HS6ST2: variants seen among roughly 807,000 people sequenced by gnomAD.
HS6ST2 encodes heparan sulfate 6-O-sulfotransferase 2, also known as heparan-sulfate 6-O-sulfotransferase 2.
A neutral mutation model predicts 33.0 loss-of-function variants in HS6ST2; 17 were observed. That is an observed-to-expected ratio of 0.52 (90% CI 0.35 to 0.77). The LOEUF (loss-of-function observed/expected upper bound fraction) is 0.77, where lower values mean the gene tolerates loss of function less well. Ranked by LOEUF, HS6ST2 falls within the 30% of genes least tolerant of loss-of-function variation. HS6ST2 has a pLI of 0.01. For missense variants in HS6ST2, 519 were observed against 551.7 expected (o/e 0.94, Z 0.59); for synonymous variants, 248 against 237.1 (o/e 1.05, Z -0.42).
chrX:132,692,015 GT>G lies in HS6ST2; in HGVS notation c.980+16446del, dbSNP rs1180903772. Among the ~76,000 whole-genome samples the G allele has an allele frequency of 9.6e-4, 108 of 112,102 alleles. 1 individual carries two copies. Among genetic ancestry groups the G allele is most frequent in the African/African-American group, 3.3e-3 (103 of 30,872 alleles). ...CAACAGGAAAAGTATCTGTTTTCAAGTTTGTTGCTTGGAGTCCGGGAGACAG... is the reference window on the plus strand; with the variant it reads ...CAACAGGAAAAGTATCTGTTTTCAAGTTGTTGCTTGGAGTCCGGGAGACAG... On this transcript the variant is annotated intron_variant, in intron 3 of 4. Transcript: ENST00000370833.
chrX:132,667,513 A>G (rs753484767), intron 4 of HS6ST2: 1 of 112,069 alleles, frequency 8.9e-6, no homozygotes, highest in East Asian at 2.8e-4. Flanking sequence ...TTAGGTATGC[A>G]TTCTCTATGT....
At chrX:132,670,098 A>AT (rs746354261) in intron 3 of HS6ST2, among the ~76,000 whole-genome samples, 10,417 of 104,567 alleles carry the variant, frequency 0.1, 951 homozygotes, top group African/African-American at 0.29. Context: ...CATCAGGAAG[A>AT]TTTTTTTTTT....
At chrX:132,891,089 T>G (rs2066305160) in intron 2 of HS6ST2, among the ~76,000 whole-genome samples, 1 of 91,102 alleles carries the variant, frequency 1.1e-5, no homozygotes, top group African/African-American at 4.1e-5. Context: ...GGTTTGCAAG[T>G]CCAAGGAGAA....
At chrX:132,854,293 A>G (rs2065831758) in intron 2 of HS6ST2, among the ~76,000 whole-genome samples, 1 of 112,514 alleles carries the variant, frequency 8.9e-6, no homozygotes, top group Admixed American at 9.4e-5. Flanking sequence ...CATCTGTCTT[A>G]AAGAATTCAG....
At chrX:132,701,708 G>A (rs1213617918) in intron 3 of HS6ST2, among the ~76,000 whole-genome samples, 21 of 111,783 alleles carry the variant, frequency 1.9e-4, no homozygotes, top group Non-Finnish European at 3.2e-4. Context: ...CCTACCTGGG[G>A]CTTTAACTAG....
At chrX:132,829,177 C>CAT (rs71855456) in intron 2 of HS6ST2, among the ~76,000 whole-genome samples, 4,694 of 63,563 alleles carry the variant, frequency 0.074, 257 homozygotes, top group Non-Finnish European at 0.1. Flanking sequence ...AGGTAAGGAA[C>CAT]ATATATATAT....
intron 3 of HS6ST2, among the ~76,000 whole-genome samples, chrX:132,699,119 T>C (rs2064123938): frequency 9.0e-6 from 1 of 111,325 alleles, no homozygotes; most frequent in Admixed American, 9.6e-5. Flanking sequence ...TGAAAATTAG[T>C]GAACAAAAGT....
At chrX:132,633,202 C>T (rs2063531183) in intron 4 of HS6ST2, among the ~76,000 whole-genome samples, 1 of 109,863 alleles carries the variant, frequency 9.1e-6, no homozygotes, top group Non-Finnish European at 1.9e-5. Flanking sequence ...CATCAAAAAA[C>T]CTCCCGGGGA....
chrX:132,673,324 T>C (rs1380523024), intron 3 of HS6ST2, among the ~76,000 whole-genome samples: 1 of 112,474 alleles, frequency 8.9e-6, no homozygotes. Flanking sequence ...TGATTGAGTA[T>C]TAATGTCTTG....
chrX:132,708,287 G>T, intron 3 of HS6ST2, among the ~76,000 whole-genome samples, 175 bp downstream of exon 3: 1 of 66,309 alleles, frequency 1.5e-5, no homozygotes, highest in Admixed American at 2.6e-4. Context: ...GGTAGTTTCA[G>T]CTGTTTTAAA....
At chrX:132,961,242 G>A (rs1309048993), upstream of HS6ST2, 1 of 110,881 alleles carries the variant, frequency 9.0e-6, no homozygotes, top group Non-Finnish European at 1.9e-5. Context: ...TTGGGATTCA[G>A]TACCTGGAAG....
intron 2 of HS6ST2, among the ~76,000 whole-genome samples, chrX:132,780,880 C>A (rs1417002091): frequency 1.8e-5 from 2 of 111,813 alleles, no homozygotes; most frequent in Non-Finnish European, 3.8e-5. Flanking sequence ...GAGCCTTGAG[C>A]CTGTCTTAGG....
chrX:132,770,428 G>A (rs951727587), intron 2 of HS6ST2, among the ~76,000 whole-genome samples: 1 of 111,845 alleles, frequency 8.9e-6, no homozygotes, highest in Admixed American at 9.5e-5. Context: ...ACACATAACA[G>A]AGAATTAATA....
rs1334132711 is a variant in HS6ST2, at chrX:132,950,880, T to C, written c.947+5928A>G. Among the ~76,000 whole-genome samples the C allele has an allele frequency of 1.1e-4, 12 of 111,856 alleles. No homozygotes were observed. In the Admixed American group the frequency reaches 1.1e-3, roughly 11 times the overall value. On this transcript the variant is annotated intron_variant, in intron 2 of 4. Transcript: ENST00000370833. ...TTTTTCCTTTATTCAAACATCCTTTTCCTTGGCTAAGAGTCCCATATGTGA... is the reference window on the plus strand; with the variant it reads ...TTTTTCCTTTATTCAAACATCCTTTCCCTTGGCTAAGAGTCCCATATGTGA...
chrX:132,722,131 T>C (rs2064336141), intron 2 of HS6ST2, among the ~76,000 whole-genome samples: 1 of 93,948 alleles, frequency 1.1e-5, no homozygotes, highest in Non-Finnish European at 2.0e-5. Context: ...GAGCTTGCAA[T>C]GAGTGGAGAT....
At chrX:132,679,453 C>T (rs773133436) in intron 3 of HS6ST2, among the ~76,000 whole-genome samples, 6 of 111,186 alleles carry the variant, frequency 5.4e-5, no homozygotes, top group South Asian at 3.8e-4. Flanking sequence ...AGGCAGTGTA[C>T]GAATAGGGTG....
At chrX:132,687,016 CAT>C (rs1266454737) in intron 3 of HS6ST2, among the ~76,000 whole-genome samples, 20 of 112,319 alleles carry the variant, frequency 1.8e-4, no homozygotes, top group Non-Finnish European at 3.8e-5. Context: ...CAAGCTCAGT[CAT>C]AGAATGTTTA....
intron 2 of HS6ST2, among the ~76,000 whole-genome samples, chrX:132,797,654 T>A (rs944324678): frequency 1.8e-5 from 2 of 110,949 alleles, no homozygotes; most frequent in African/African-American, 3.3e-5. Flanking sequence ...CATTTGTTCC[T>A]CTGAAAGAAG....
At chrX:132,688,030 T>C (rs2064033179) in intron 3 of HS6ST2, among the ~76,000 whole-genome samples, 1 of 112,655 alleles carries the variant, frequency 8.9e-6, no homozygotes. Flanking sequence ...ATTACAGGCG[T>C]GAGCCACCAT....
Sources: gnomAD v4.1 joint callset for allele counts (sites outside exome capture counted in the v4.1 genomes callset) on GRCh38, gnomAD v4.1.1 for gene constraint, MANE v1.5 for transcripts, NCBI Gene and HGNC (gene_info 2026-07-23, HGNC 2026-07-21) for gene names.